YEATS2: variants seen among roughly 807,000 people sequenced by gnomAD.
YEATS2 encodes YEATS domain containing 2, also known as YEATS domain-containing protein 2.
YEATS2 carries 77 observed loss-of-function variants against 163.2 expected under a neutral mutation model. That is an observed-to-expected ratio of 0.47 (90% CI 0.39 to 0.57). The LOEUF (loss-of-function observed/expected upper bound fraction) is 0.57, where lower values mean the gene tolerates loss of function less well. YEATS2 is among the 20% of genes least tolerant of loss of function. The probability of loss-of-function intolerance (pLI) is 0.00; values close to 1 mark genes in which losing one functional copy is unlikely to be tolerated. For synonymous variants in YEATS2, 631 were observed against 645.1 expected, an observed-to-expected ratio of 0.98 and a Z score of 0.33; for missense variants, 1,549 against 1,729.8, an observed-to-expected ratio of 0.90 and a Z score of 1.85.
chr3:183,773,751 G>C lies in YEATS2; in HGVS notation c.2325G>C (p.Leu775=). 2 of 1,613,404 alleles carry C rather than the reference G, an allele frequency of 1.2e-6. No individual in the cohort carries two copies. The highest frequency in any genetic ancestry group is 8.5e-7 in the Non-Finnish European group (1 of 1,179,790). Reference sequence around the variant, plus strand: ...ACCCTTCAGGAAAAGGAAAACTGCTGCTGATCCCTCAAGGAGCCATCCTGC... The same window carrying C: ...ACCCTTCAGGAAAAGGAAAACTGCTCCTGATCCCTCAAGGAGCCATCCTGC... ...SKNPSGKGKL[L]LIPQGAILRA... is the part of the protein sequence containing the mutation. Residue 775 remains leucine (L), a synonymous_variant, in exon 17 of 31, where the codon CTG becomes CTC. Coordinates refer to ENST00000305135, the MANE Select transcript of YEATS2 (RefSeq NM_018023.5).
intron 19 of YEATS2, among the ~76,000 whole-genome samples, chr3:183,778,745 G>A (rs1027729180): frequency 2.0e-5 from 3 of 152,136 alleles, no homozygotes; most frequent in Admixed American, 6.6e-5. Flanking sequence ...CTCATAAAAT[G>A]AAGTGGAAGC....
chr3:183,809,195 G>A (rs757846701), intron 30 of YEATS2, 25 bp downstream of exon 30: 1 of 1,611,538 alleles, frequency 6.2e-7, no homozygotes, highest in Non-Finnish European at 8.5e-7. Flanking sequence ...GCAGTCTGTG[G>A]TGTGAGGCTT....
intron 1 of YEATS2, among the ~76,000 whole-genome samples, chr3:183,712,891 G>T (rs1003461603): frequency 2.0e-5 from 3 of 151,908 alleles, no homozygotes; most frequent in African/African-American, 7.3e-5. Flanking sequence ...CTCACAAGTA[G>T]CTGGGATTAC....
At chr3:183,722,367 C>G (rs1716610121) in intron 5 of YEATS2, among the ~76,000 whole-genome samples, 1 of 146,622 alleles carries the variant, frequency 6.8e-6, no homozygotes, top group Admixed American at 6.8e-5. Flanking sequence ...TGGCTCACTG[C>G]AACCTCCGCC....
intron 8 of YEATS2, among the ~76,000 whole-genome samples, chr3:183,741,802 G>T (rs1368673342): frequency 6.6e-6 from 1 of 151,956 alleles, no homozygotes; most frequent in Non-Finnish European, 1.5e-5. Context: ...AAAGAGCTTT[G>T]ATGGAGATGT....
intron 15 of YEATS2, 121 bp downstream of exon 15, chr3:183,762,400 G>A: frequency 7.9e-6 from 10 of 1,272,138 alleles, no homozygotes; most frequent in Non-Finnish European, 1.1e-5. Context: ...ACCTGTGGGT[G>A]AAAGCCTAGT....
At chr3:183,808,849 C>CCT (rs930469644) in intron 29 of YEATS2, 12 of 387,638 alleles carry the variant, frequency 3.1e-5, no homozygotes, top group East Asian at 1.5e-4. Flanking sequence ...GAGTGAGACT[C>CCT]CATCTCAAAA....
chr3:183,727,630 G>A (rs1393849441), intron 6 of YEATS2, among the ~76,000 whole-genome samples: 1 of 152,120 alleles, frequency 6.6e-6, no homozygotes, highest in Non-Finnish European at 1.5e-5. Flanking sequence ...CATATAGAAG[G>A]CCTGACTATA....
intron 2 of YEATS2, among the ~76,000 whole-genome samples, chr3:183,716,425 C>A (rs73174088): frequency 6.6e-6 from 1 of 152,078 alleles, no homozygotes; most frequent in Non-Finnish European, 1.5e-5. Context: ...GAAGAAAATT[C>A]CTATTTCTGT....
At chr3:183,707,954 G>C (rs1253098507) in intron 1 of YEATS2, among the ~76,000 whole-genome samples, 1 of 151,904 alleles carries the variant, frequency 6.6e-6, no homozygotes, top group East Asian at 1.9e-4. Context: ...GATTATAGGC[G>C]TGAGCAGCCA....
intron 6 of YEATS2, among the ~76,000 whole-genome samples, chr3:183,726,360 T>C (rs262973): frequency 0.72 from 109,959 of 152,092 alleles, 40,775 homozygotes; most frequent in East Asian, 0.96. Flanking sequence ...GTTTTTAGTT[T>C]GTAACAAAAG....
chr3:183,703,557 G>T (rs1389287395), intron 1 of YEATS2, among the ~76,000 whole-genome samples: 2 of 152,162 alleles, frequency 1.3e-5, no homozygotes, highest in Non-Finnish European at 2.9e-5. Context: ...AGACGATCAG[G>T]TGTATTTTGT....
At chr3:183,800,705 C>G in intron 24 of YEATS2, 137 bp downstream of exon 24, 5 of 650,886 alleles carry the variant, frequency 7.7e-6, no homozygotes, top group Non-Finnish European at 1.3e-5. Context: ...GTGCAGTGGA[C>G]AAGTGTTACC....
At chr3:183,702,799 A>G (rs546339099) in intron 1 of YEATS2, among the ~76,000 whole-genome samples, 5 of 151,250 alleles carry the variant, frequency 3.3e-5, no homozygotes, top group Non-Finnish European at 7.4e-5. Context: ...GCGCCACTGC[A>G]CTCCATCCTG....
chr3:183,805,946 C>T (rs1293382577), intron 27 of YEATS2, among the ~76,000 whole-genome samples: 4 of 152,002 alleles, frequency 2.6e-5, no homozygotes, highest in African/African-American at 9.7e-5. Context: ...GAGCAGAGAC[C>T]GTGTTAATGA....
chr3:183,790,607 A>T (rs1320778137), intron 20 of YEATS2, among the ~76,000 whole-genome samples, 190 bp from the exon 21 acceptor site: 2 of 152,212 alleles, frequency 1.3e-5, no homozygotes, highest in African/African-American at 4.8e-5. Flanking sequence ...TTCTTGGTCC[A>T]TGAAATGTAA....
At chr3:183,753,562 A>G (rs571122742) in intron 10 of YEATS2, among the ~76,000 whole-genome samples, 8 of 152,330 alleles carry the variant, frequency 5.3e-5, no homozygotes, top group African/African-American at 1.9e-4. Context: ...AGCCTGGCCA[A>G]CATGGCAAAA....
At chr3:183,705,759 G>T (rs1044967993) in intron 1 of YEATS2, among the ~76,000 whole-genome samples, 3 of 152,128 alleles carry the variant, frequency 2.0e-5, no homozygotes, top group African/African-American at 7.2e-5. Flanking sequence ...TTCATTTATG[G>T]CTGGGCGCAG....
At chr3:183,720,089 C>T (rs570000766) in intron 4 of YEATS2, among the ~76,000 whole-genome samples, 1 of 152,216 alleles carries the variant, frequency 6.6e-6, no homozygotes, top group East Asian at 1.9e-4. Flanking sequence ...AAGAATACTT[C>T]GTAGTGATGC....
Sources: gnomAD v4.1 joint callset for allele counts (sites outside exome capture counted in the v4.1 genomes callset) on GRCh38, gnomAD v4.1.1 for gene constraint, MANE v1.5 for transcripts, NCBI Gene and HGNC (gene_info 2026-07-23, HGNC 2026-07-21) for gene names.